Variants in SP140L observed in about 807,000 individuals in gnomAD.
The protein encoded by SP140L is nuclear body protein SP140-like protein.
A neutral mutation model predicts 84.3 loss-of-function variants in SP140L; 64 were observed. The observed-to-expected ratio is 0.76, with a 90% confidence interval of 0.62 to 0.94. SP140L has a LOEUF of 0.94. Among genes scored for constraint, SP140L ranks in the 40% least tolerant of loss-of-function variants. The probability of loss-of-function intolerance (pLI) is 0.00; values close to 1 mark genes in which losing one functional copy is unlikely to be tolerated. For synonymous variants in SP140L, 242 were observed against 236.9 expected (o/e 1.02, Z -0.20); for missense variants, 628 against 692.5 (o/e 0.91, Z 1.05).
In SP140L at chr2:230,354,885, G is replaced by GAAAGAAAGAAAGA. The variant is rs1247953230; in HGVS notation, c.108-2908_108-2907insAAAAGAAAGAAAG. ...AGAAAGAAAGAAAGAAAGAAAGAAA[G>GAAAGAAAGAAAGA]AAAGAAAGAAAGGAAAGAGAAAGAA... On this transcript the variant is annotated intron_variant, in intron 2 of 18. Coordinates refer to ENST00000415673, the MANE Select transcript of SP140L (RefSeq NM_138402.6). 9.6e-5 allele frequency among the ~76,000 whole-genome samples: 12 copies of GAAAGAAAGAAAGA among 124,492 alleles called. No individual in the cohort carries two copies. The East Asian group carries it at 2.1e-3, about 21-fold the overall frequency. 81.7% of individuals were successfully genotyped at this position (124,492 alleles called of 152,430 possible).
At chr2:230,359,889 C>T (rs2060659483) in intron 4 of SP140L, among the ~76,000 whole-genome samples, 1 of 152,184 alleles carries the variant, frequency 6.6e-6, no homozygotes, top group Non-Finnish European at 1.5e-5. Context: ...CAAATAATCA[C>T]AAAACTGATT....
rs532648913 is a variant in SP140L, at chr2:230,379,881, C to T, written c.638-3629C>T. The stretch of plus-strand genomic sequence containing the variant: ...CTTTCTCTCTAAAAGCTTTTTTCCC[C>T]AATTTTTAATCATGAAAATTTCAAG... On this transcript the variant is annotated intron_variant, in intron 7 of 18. Transcript: ENST00000415673. 3.3e-5 allele frequency among the ~76,000 whole-genome samples: 5 copies of T among 152,132 alleles called. No individual in the cohort carries two copies. In the East Asian group the frequency reaches 9.6e-4, roughly 29 times the overall value.
chr2:230,376,396 A>G (rs1039186680), intron 7 of SP140L, among the ~76,000 whole-genome samples: 3 of 152,346 alleles, frequency 2.0e-5, no homozygotes, highest in African/African-American at 7.2e-5. Context: ...TGAATTCAGT[A>G]AAGTTGCAAG....
intron 2 of SP140L, among the ~76,000 whole-genome samples, chr2:230,335,852 G>A (rs2059858877): frequency 6.6e-6 from 1 of 152,162 alleles, no homozygotes; most frequent in South Asian, 2.1e-4. Context: ...TTACCAGTGG[G>A]CTGGTACAGG....
rs759399309 is a variant in SP140L, at chr2:230,392,204, G to T, written c.1082G>T (p.Gly361Val). The part of the protein sequence containing the change: ...KNWRLSVRCG[G>V]WPLRRLMEEG... ...TGGAGGCTGAGTGTGCGCTGTGGCG[G>T]GTGGCCCCTACGACGGCTGATGGAG... is the stretch of plus-strand genomic sequence containing the variant. The change falls in exon 12 of 19, where the codon GGG becomes GTG. Residue 361 changes from glycine to valine, a missense_variant. By Grantham distance (109) the Gly-to-Val change is moderately radical. Coordinates refer to ENST00000415673, the MANE Select transcript of SP140L (RefSeq NM_138402.6). The T allele has an allele frequency of 2.5e-6, 4 of 1,614,016 alleles. No individual in the cohort carries two copies. The highest frequency in any genetic ancestry group is 2.2e-5 in the East Asian group (1 of 44,884).
At chr2:230,336,553 A>G (rs2059888410) in intron 2 of SP140L, among the ~76,000 whole-genome samples, 1 of 152,232 alleles carries the variant, frequency 6.6e-6, no homozygotes, top group African/African-American at 2.4e-5. Context: ...ATACAGAGTG[A>G]GTACTCAGAA....
intron 4 of SP140L, among the ~76,000 whole-genome samples, chr2:230,361,059 C>G (rs1366347295): frequency 6.6e-6 from 1 of 152,172 alleles, no homozygotes; most frequent in Admixed American, 6.5e-5. Flanking sequence ...AAGCAGTTCT[C>G]CCGCTTCAGC....
At chr2:230,389,126 A>G (rs2061700841) in intron 10 of SP140L, among the ~76,000 whole-genome samples, 1 of 152,192 alleles carries the variant, frequency 6.6e-6, no homozygotes, top group South Asian at 2.1e-4. Context: ...TAGAGGATGA[A>G]TTAGGCCAAC....
At chr2:230,347,187 G>A (rs2060233303) in intron 2 of SP140L, among the ~76,000 whole-genome samples, 1 of 152,268 alleles carries the variant, frequency 6.6e-6, no homozygotes, top group South Asian at 2.1e-4. Context: ...TGTATGGTTT[G>A]TTGAGTGTTT....
At chr2:230,379,429 G>T (rs1027571589) in intron 7 of SP140L, among the ~76,000 whole-genome samples, 1 of 152,010 alleles carries the variant, frequency 6.6e-6, no homozygotes, top group Non-Finnish European at 1.5e-5. Context: ...CAAGGATCTT[G>T]TAATGGTTTC....
At chr2:230,341,846 C>A (rs1404372899) in intron 2 of SP140L, among the ~76,000 whole-genome samples, 1 of 151,986 alleles carries the variant, frequency 6.6e-6, no homozygotes, top group South Asian at 2.1e-4. Flanking sequence ...GCAGTCTGCC[C>A]GTTCTCAGAT....
chr2:230,379,250 T>C (rs1457558795), intron 7 of SP140L, among the ~76,000 whole-genome samples: 2 of 152,188 alleles, frequency 1.3e-5, no homozygotes, highest in African/African-American at 4.8e-5. Context: ...ACCTGTATCT[T>C]CTGTGGTAGT....
Position 230,387,766 on chromosome 2 carries a change from C to T in SP140L, c.785-793C>T, listed in dbSNP as rs545770609. ...AATTAACATGCACTTGGGAGAACGTCGTCGGCTGCAGTGTCTGCCATGTCA... is the reference window on the plus strand; with the variant it reads ...AATTAACATGCACTTGGGAGAACGTTGTCGGCTGCAGTGTCTGCCATGTCA... On this transcript the variant is annotated intron_variant, in intron 9 of 18. Transcript: ENST00000415673. 8.5e-5 allele frequency among the ~76,000 whole-genome samples: 13 copies of T among 152,306 alleles called. No homozygotes were observed. In the East Asian group the frequency reaches 1.9e-3, roughly 23 times the overall value.
chr2:230,399,023 G>T (rs2062188089), intron 14 of SP140L, among the ~76,000 whole-genome samples: 1 of 152,220 alleles, frequency 6.6e-6, no homozygotes, highest in Non-Finnish European at 1.5e-5. Flanking sequence ...ACCATTCTAG[G>T]CCTTCCCAGT....
At chr2:230,384,894 A>C (rs769374659) in intron 8 of SP140L, among the ~76,000 whole-genome samples, 1 of 152,230 alleles carries the variant, frequency 6.6e-6, no homozygotes, top group Non-Finnish European at 1.5e-5. Context: ...TCTGGGAGGC[A>C]GAGAAACACT....
intron 2 of SP140L, among the ~76,000 whole-genome samples, chr2:230,356,675 C>T (rs2060558714): frequency 6.6e-6 from 1 of 152,130 alleles, no homozygotes; most frequent in Non-Finnish European, 1.5e-5. Flanking sequence ...CTGTGTGTCT[C>T]CCTTCAAATC....
rs1296490319 is a variant in SP140L at position 230,331,090 on chromosome 2, A to T, written c.107+2259A>T. ...TGCTGGCCATTCAGATATGCCAAAG[A>T]GAAGCCGTCAAGTGCTTCCTTTAAG... On this transcript the variant is annotated intron_variant, in intron 2 of 18. Transcript: ENST00000415673. 5.3e-5 allele frequency among the ~76,000 whole-genome samples: 8 copies of T among 152,308 alleles called. No individual in the cohort carries two copies. In the South Asian group the frequency reaches 1.7e-3, roughly 32 times the overall value.
At chr2:230,344,033 A>G (rs1041033521) in intron 2 of SP140L, among the ~76,000 whole-genome samples, 1 of 152,182 alleles carries the variant, frequency 6.6e-6, no homozygotes, top group Non-Finnish European at 1.5e-5. Context: ...GATATCTATC[A>G]GGTCTACTTA....
intron 2 of SP140L, among the ~76,000 whole-genome samples, chr2:230,330,364 A>G (rs1432706296): frequency 1.3e-5 from 2 of 152,298 alleles, no homozygotes; most frequent in African/African-American, 2.4e-5. Context: ...CTGGCCTGTA[A>G]GAGCCTCTTC....
Sources: gnomAD v4.1 joint callset for allele counts (sites outside exome capture counted in the v4.1 genomes callset) on GRCh38, gnomAD v4.1.1 for gene constraint, MANE v1.5 for transcripts, NCBI Gene and HGNC (gene_info 2026-07-23, HGNC 2026-07-21) for gene names.